The following HTD2 variants were observed in gnomAD, a reference collection of about 807,000 sequenced individuals.
HTD2 encodes the protein hydroxyacyl-thioester dehydratase type 2, also known as hydroxyacyl-thioester dehydratase type 2, mitochondrial.
In HTD2, 1 loss-of-function variant was observed where a neutral mutation model predicts 3.1. The observed-to-expected ratio is 0.32, with a 90% confidence interval of 0.11 to 1.52. The LOEUF is 1.52. Ranked by LOEUF, HTD2 falls within the 40% of genes most tolerant of loss-of-function variation. The probability of loss-of-function intolerance (pLI) is 0.39; values close to 1 mark genes in which losing one functional copy is unlikely to be tolerated. For synonymous variants in HTD2, 50 were observed against 28.9 expected (o/e 1.73, Z -2.34); for missense variants, 150 against 79.6 (o/e 1.88, Z -3.36).
intron 2 of HTD2, among the ~76,000 whole-genome samples, chr3:58,312,406 C>T (rs570554444): frequency 2.2e-5 from 3 of 135,796 alleles, no homozygotes; most frequent in African/African-American, 8.3e-5. Context: ...ACTACAGGTA[C>T]CTGCCACCAC....
chr3:58,312,842 T>G (rs1264194524), intron 2 of HTD2, among the ~76,000 whole-genome samples: 1 of 151,130 alleles, frequency 6.6e-6, no homozygotes, highest in Non-Finnish European at 1.5e-5. Context: ...ACGCTTGTAG[T>G]CCCAGCTACT....
chr3:58,312,676 A>G lies in HTD2; in HGVS notation c.-331+2085A>G, dbSNP rs185634635. ...CCACTTTTAATGAGAAAGTCTCCTT[A>G]TGGGCCAGGCGCAGTGGCTCACTCC... On this transcript the variant is annotated intron_variant, in intron 2 of 4. Coordinates refer to ENST00000461393, the MANE Select transcript of HTD2 (RefSeq NM_001348712.2). Among the ~76,000 whole-genome samples the G allele has an allele frequency of 3.1e-3, 472 of 151,848 alleles. 9 individuals carry two copies. Among genetic ancestry groups the G allele is most frequent in the Admixed American group, 0.029 (437 of 15,258 alleles).
At chr3:58,313,001 C>T (rs190558310) in intron 2 of HTD2, among the ~76,000 whole-genome samples, 12 of 141,636 alleles carry the variant, frequency 8.5e-5, no homozygotes, top group African/African-American at 2.6e-4. Flanking sequence ...CGGTAGCTCA[C>T]GCCTGTAATC....
rs10940 is a variant in HTD2 at position 58,319,414 on chromosome 3, G to A, written c.*1294G>A. On this transcript the variant is annotated 3_prime_UTR_variant, in exon 5 of 5. Coordinates refer to ENST00000461393, the MANE Select transcript of HTD2 (RefSeq NM_001348712.2). ...CACAGGGCCCAGCCTGTCAGCAGTA[G>A]CTACTATTATTGTTGCCCATTTCCC... 6.6e-5 allele frequency: 10 copies of A among 152,300 alleles called. No individual in the cohort carries two copies. Among genetic ancestry groups the A allele is most frequent in the Admixed American group, 1.3e-4 (2 of 15,298 alleles). 9.4% of individuals were successfully genotyped at this position (152,300 alleles called of 1,614,324 possible).
chr3:58,316,874 C>CT, intron 3 of HTD2, 41 bp from the exon 4 acceptor site: 3 of 1,498,596 alleles, frequency 2.0e-6, no homozygotes, highest in Non-Finnish European at 2.8e-6. Context: ...ATTTTGTTCT[C>CT]TGTCTATGAC....
rs1385365235 is a variant in HTD2, at chr3:58,318,291, T to C, written c.*171T>C. 5.5e-6 allele frequency: 3 copies of C among 543,458 alleles called. No individual in the cohort carries two copies. The highest frequency in any genetic ancestry group is 3.0e-5 in the East Asian group (1 of 33,660). 33.7% of individuals were successfully genotyped at this position (543,458 alleles called of 1,614,324 possible). On this transcript the variant is annotated 3_prime_UTR_variant, in exon 5 of 5. Transcript: ENST00000461393. ...ATGCCCACTTTCCAGTTTGGCCTTA[T>C]GCTTCATGCAGACTTGAGTGTATGC...
Position 58,319,332 on chromosome 3 carries a change from A to G in HTD2, c.*1212A>G, listed in dbSNP as rs2097491998. 1 of 152,338 alleles carries G rather than the reference A, an allele frequency of 6.6e-6. No individual in the cohort carries two copies. The highest frequency in any genetic ancestry group is 2.4e-5 in the African/African-American group (1 of 41,574). 9.4% of individuals were successfully genotyped at this position (152,338 alleles called of 1,614,324 possible). A position where few individuals can be genotyped will look rare whatever the true frequency, so the allele number is the denominator to read the frequency against. On this transcript the variant is annotated 3_prime_UTR_variant, in exon 5 of 5. Transcript: ENST00000461393. ...GTTATGTAAACGGTCTGATCTGTAA[A>G]ATAGTGGTAGCACATGCCATGTGGG...
At chr3:58,312,980 A>AAT (rs1376152832) in intron 2 of HTD2, among the ~76,000 whole-genome samples, 2 of 135,690 alleles carry the variant, frequency 1.5e-5, no homozygotes, top group African/African-American at 5.4e-5. Flanking sequence ...AAAAAAAAAA[A>AAT]GGGCTGGGCA....
At chr3:58,311,834 C>T (rs1328579490) in intron 2 of HTD2, among the ~76,000 whole-genome samples, 1 of 151,742 alleles carries the variant, frequency 6.6e-6, no homozygotes, top group African/African-American at 2.4e-5. Flanking sequence ...CAGTAGTAGA[C>T]TTGCTGGATT....
rs17355543 is a variant in HTD2, at chr3:58,306,573, C to T, written c.-494C>T. Reference sequence around the variant, plus strand: ...CTCTGTACGGCGCCGCGTAGGGTCTCGGCCGCAGAACGTGGCCGAGAGGCC... The same window carrying T: ...CTCTGTACGGCGCCGCGTAGGGTCTTGGCCGCAGAACGTGGCCGAGAGGCC... On this transcript the variant is annotated 5_prime_UTR_variant, in exon 1 of 5. Coordinates refer to ENST00000461393, the MANE Select transcript of HTD2 (RefSeq NM_001348712.2). The T allele has an allele frequency of 0.29, 44,538 of 152,122 alleles. 7,522 individuals are homozygous for T. The highest frequency in any genetic ancestry group is 0.81 in the East Asian group (4,176 of 5,158). 9.4% of individuals were successfully genotyped at this position (152,122 alleles called of 1,614,324 possible).
In HTD2 at chr3:58,320,117, G is replaced by A. The variant is rs1317959474; in HGVS notation, c.*1997G>A. 6 of 151,866 alleles carry A rather than the reference G, an allele frequency of 4.0e-5. No homozygotes were observed. Among genetic ancestry groups the A allele is most frequent in the Admixed American group, 3.9e-4 (6 of 15,226 alleles). The allele number at this position is 151,866 out of a possible 1,614,324, so 9.4% of individuals were successfully genotyped here. ...TTCTTTGATATAGCATGTTTTCAGG[G>A]TTCATCCATGTTACAGCATGTATCA... On this transcript the variant is annotated 3_prime_UTR_variant, in exon 5 of 5. Transcript: ENST00000461393.
intron 2 of HTD2, among the ~76,000 whole-genome samples, chr3:58,311,171 T>C (rs1430048041): frequency 6.6e-6 from 1 of 151,818 alleles, no homozygotes; most frequent in African/African-American, 2.4e-5. Flanking sequence ...TTGTTTTTCT[T>C]TGAGATGGAG....
At chr3:58,317,111 T>C (rs1282080293) in intron 4 of HTD2, 118 bp downstream of exon 4, 3 of 728,474 alleles carry the variant, frequency 4.1e-6, no homozygotes, top group Non-Finnish European at 4.6e-6. Context: ...ATGATCTAAG[T>C]AGGGGAAAAT....
chr3:58,308,073 A>G (rs1254712153), intron 1 of HTD2: 1 of 151,296 alleles, frequency 6.6e-6, no homozygotes, highest in Non-Finnish European at 1.5e-5. Flanking sequence ...ACACTAAAAA[A>G]CATTTATGTG....
At chr3:58,313,047 A>C (rs2097484103) in intron 2 of HTD2, among the ~76,000 whole-genome samples, 2 of 151,800 alleles carry the variant, frequency 1.3e-5, no homozygotes, top group African/African-American at 4.8e-5. Flanking sequence ...GCAGATCCCA[A>C]GGTCAGCCGA....
At chr3:58,311,136 TTTGTTGTTGTTG>T (rs144147590) in intron 2 of HTD2, among the ~76,000 whole-genome samples, 10,511 of 150,190 alleles carry the variant, frequency 0.07, 469 homozygotes, top group Middle Eastern at 0.09. Context: ...AAATCTACTT[TTTGTTGTTGTTG>T]TTGTTGTTGT....
intron 1 of HTD2, chr3:58,310,273 G>A (rs1393677770): frequency 5.4e-6 from 8 of 1,477,666 alleles, no homozygotes; most frequent in Non-Finnish European, 7.5e-6. Flanking sequence ...AATAGCATGT[G>A]CATTGGTCAT....
At chr3:58,309,367 A>G (rs1413886969) in intron 1 of HTD2, among the ~76,000 whole-genome samples, 4 of 152,222 alleles carry the variant, frequency 2.6e-5, no homozygotes, top group African/African-American at 9.6e-5. Flanking sequence ...AAATGGGAAT[A>G]ATAATACCTC....
chr3:58,310,482 C>T lies in HTD2; in HGVS notation c.-415-25C>T. On this transcript the variant is annotated intron_variant, in intron 1 of 4. Coordinates refer to ENST00000461393, the MANE Select transcript of HTD2 (RefSeq NM_001348712.2). ...CTGAATAGAATGAAATTTAATATGACTTTTTTTTTTTTCACTTTTTTTAGA... is the reference window on the plus strand; with the variant it reads ...CTGAATAGAATGAAATTTAATATGATTTTTTTTTTTTTCACTTTTTTTAGA... The T allele has an allele frequency of 8.4e-5, 114 of 1,363,446 alleles. 1 individual carries two copies. Among genetic ancestry groups the T allele is most frequent in the South Asian group, 3.3e-4 (25 of 76,630 alleles). The allele number at this position is 1,363,446 out of a possible 1,614,324, so 84.5% of individuals were successfully genotyped here. A position where few individuals can be genotyped will look rare whatever the true frequency, so the allele number is the denominator to read the frequency against.
Sources: gnomAD v4.1 joint callset for allele counts (sites outside exome capture counted in the v4.1 genomes callset) on GRCh38, gnomAD v4.1.1 for gene constraint, MANE v1.5 for transcripts, NCBI Gene and HGNC (gene_info 2026-07-23, HGNC 2026-07-21) for gene names.